DGKI: variants seen among roughly 807,000 people sequenced by gnomAD.
DGKI encodes the protein diacylglycerol kinase iota.
DGKI carries 55 observed loss-of-function variants against 147.5 expected under a neutral mutation model. The observed-to-expected ratio is 0.37, with a 90% CI of 0.30 to 0.47. The LOEUF (loss-of-function observed/expected upper bound fraction) is 0.47. Ranked by LOEUF, DGKI falls within the 20% of genes least tolerant of loss-of-function variation. DGKI has a pLI of 1.00. For synonymous variants in DGKI, 469 were observed against 477.1 expected, an observed-to-expected ratio of 0.98 and a Z score of 0.22; for missense variants, 1,007 against 1,323.8, an observed-to-expected ratio of 0.76 and a Z score of 3.71.
chr7:137,718,652 G>C (rs573270045), intron 1 of DGKI, among the ~76,000 whole-genome samples: 1 of 152,268 alleles, frequency 6.6e-6, no homozygotes, highest in Non-Finnish European at 1.5e-5. Context: ...CTGAAATGTG[G>C]ACAACATAAG....
chr7:137,435,702 T>C (rs1731910), intron 28 of DGKI, among the ~76,000 whole-genome samples: 73,797 of 152,066 alleles, frequency 0.49, 19,462 homozygotes, highest in East Asian at 0.74. Flanking sequence ...TGCAAAGTGA[T>C]GTACTGTGAC....
chr7:137,765,661 AATG>A (rs376297902), intron 1 of DGKI, among the ~76,000 whole-genome samples: 98 of 152,344 alleles, frequency 6.4e-4, no homozygotes, highest in African/African-American at 2.3e-3. Context: ...AGCCCTTTGT[AATG>A]ATAAGTCAAC....
At chr7:137,721,885 T>C in intron 1 of DGKI, 1 of 724,176 alleles carries the variant, frequency 1.4e-6, no homozygotes, top group Non-Finnish European at 2.2e-6. Context: ...CCCAGAATGC[T>C]AACTTCTGCC....
rs575224122 is a variant in DGKI at position 137,585,244 on chromosome 7, A to C, written c.1528T>G (p.Leu510Val). ...CCATCTTCAAGTTCTTCTGGAGGCA[A>C]GTCGGGGTTTCTTTCCACATGGAGG... ...WNLHVERNPDLPPEELEDGVC... is the reference protein window; with the variant it reads ...WNLHVERNPDVPPEELEDGVC... Residue 510 changes from leucine (L) to valine (V), a missense_variant, in exon 14 of 33, where the codon TTG (leucine) becomes GTG (valine). Around this residue, in one of 5 missense-constraint regions of DGKI, gnomAD observed 224 missense variants for 382.7 expected, o/e 0.59. Transcript: ENST00000614521. 6.2e-7 allele frequency: 1 copy of C among 1,614,116 alleles called. No homozygotes were observed. Among genetic ancestry groups the C allele is most frequent in the African/African-American group, 1.3e-5 (1 of 75,030 alleles).
chr7:137,396,852 T>C (rs1035509177), intron 31 of DGKI, among the ~76,000 whole-genome samples: 3 of 152,224 alleles, frequency 2.0e-5, no homozygotes, highest in African/African-American at 7.2e-5. Context: ...CCAGAGCTGA[T>C]GACTTTTTCA....
rs143121288 is a variant in DGKI, at chr7:137,663,119, T to C, written c.607-6579A>G. 2.5e-4 allele frequency among the ~76,000 whole-genome samples: 38 copies of C among 152,366 alleles called. No individual in the cohort carries two copies. In the East Asian group the frequency reaches 5.6e-3, roughly 22 times the overall value. On this transcript the variant is annotated intron_variant, in intron 3 of 32. Coordinates refer to ENST00000614521, the MANE Select transcript of DGKI (RefSeq NM_001321708.2). ...TGTTACTGCTGACTTTTCCAGAATA[T>C]ATTTATGGAAATTCAGTCCACCAAT...
intron 6 of DGKI, among the ~76,000 whole-genome samples, chr7:137,627,483 C>A (rs769247746): frequency 1.3e-5 from 2 of 152,184 alleles, no homozygotes; most frequent in East Asian, 3.9e-4. Flanking sequence ...ACAAACTTCA[C>A]GCTATCCAGA....
chr7:137,438,247 G>C (rs1326322741), intron 28 of DGKI, among the ~76,000 whole-genome samples: 1 of 152,020 alleles, frequency 6.6e-6, no homozygotes, highest in East Asian at 1.9e-4. Flanking sequence ...AACCAACCAG[G>C]TGGGGAAAAG....
At chr7:137,593,019 A>G (rs1327077724) in intron 12 of DGKI, among the ~76,000 whole-genome samples, 1 of 152,062 alleles carries the variant, frequency 6.6e-6, no homozygotes. Context: ...AAAGGAAAAT[A>G]ATACTTCCTT....
Position 137,619,601 on chromosome 7 carries a change from T to C in DGKI, c.993+223A>G, listed in dbSNP as rs141569308. Among the ~76,000 whole-genome samples the C allele has an allele frequency of 8.0e-3, 1,211 of 152,268 alleles. 23 individuals carry two copies. The highest frequency in any genetic ancestry group is 0.028 in the African/African-American group (1,144 of 41,542). ...GAATGAGGAGGCAACATTCCTGCTCTAGAACTTTGAATTCATTAGGATGGG... is the reference window on the plus strand; with the variant it reads ...GAATGAGGAGGCAACATTCCTGCTCCAGAACTTTGAATTCATTAGGATGGG... On this transcript the variant is annotated intron_variant, in intron 8 of 32. Transcript: ENST00000614521.
chr7:137,428,738 A>G (rs1490386981), intron 28 of DGKI, among the ~76,000 whole-genome samples: 2 of 152,160 alleles, frequency 1.3e-5, no homozygotes, highest in Non-Finnish European at 2.9e-5. Context: ...AAAAATCACA[A>G]GCATTCTTAT....
intron 23 of DGKI, among the ~76,000 whole-genome samples, chr7:137,473,556 A>C (rs1012603785): frequency 1.3e-5 from 2 of 152,178 alleles, no homozygotes; most frequent in East Asian, 3.9e-4. Context: ...AGAATTCAAC[A>C]AAATAAGAAG....
At chr7:137,432,329 T>C (rs1429509163) in intron 28 of DGKI, among the ~76,000 whole-genome samples, 2 of 152,186 alleles carry the variant, frequency 1.3e-5, no homozygotes, top group African/African-American at 4.8e-5. Flanking sequence ...GTATTTCAAG[T>C]AATCCTAGAG....
At chr7:137,667,940 C>T (rs1422332653) in intron 3 of DGKI, among the ~76,000 whole-genome samples, 1 of 152,178 alleles carries the variant, frequency 6.6e-6, no homozygotes, top group Non-Finnish European at 1.5e-5. Context: ...ACACATTACC[C>T]ACACTGTAAA....
chr7:137,535,910 T>TA lies in DGKI; in HGVS notation c.2148-13945dup, dbSNP rs1356008942. Among the ~76,000 whole-genome samples, 7 of 152,260 alleles carry TA rather than the reference T, an allele frequency of 4.6e-5. No homozygotes were observed. The East Asian group carries it at 1.4e-3, about 29-fold the overall frequency. On this transcript the variant is annotated intron_variant, in intron 20 of 32. Transcript: ENST00000614521. ...GTTTCTCAGTTCAAATGCCACTCCTTACGATTCTAAAAGACTTCAAATTAC... is the reference window on the plus strand; with the variant it reads ...GTTTCTCAGTTCAAATGCCACTCCTTAACGATTCTAAAAGACTTCAAATTAC...
At chr7:137,687,499 T>C (rs1459313165) in intron 2 of DGKI, among the ~76,000 whole-genome samples, 1 of 152,186 alleles carries the variant, frequency 6.6e-6, no homozygotes, top group African/African-American at 2.4e-5. Context: ...AAGAAATCCC[T>C]GGCTGGCTCC....
intron 1 of DGKI, among the ~76,000 whole-genome samples, chr7:137,704,896 T>C (rs944311425): frequency 2.0e-5 from 3 of 152,168 alleles, no homozygotes; most frequent in Non-Finnish European, 2.9e-5. Context: ...ATAAAAACAG[T>C]AACTGTCAAC....
Position 137,775,335 on chromosome 7 carries a change from C to T in DGKI, c.401+71127G>A, listed in dbSNP as rs532081536. ...AAAATTCGATAGGCAGGCACTCATTCCAGGCAAGGAAATACTGACTTCTCT... is the reference window on the plus strand; with the variant it reads ...AAAATTCGATAGGCAGGCACTCATTTCAGGCAAGGAAATACTGACTTCTCT... On this transcript the variant is annotated intron_variant, in intron 1 of 32. Coordinates refer to ENST00000614521, the MANE Select transcript of DGKI (RefSeq NM_001321708.2). Among the ~76,000 whole-genome samples the T allele has an allele frequency of 4.6e-5, 7 of 152,294 alleles. No individual in the cohort carries two copies. The East Asian group carries it at 7.7e-4, about 17-fold the overall frequency.
At chr7:137,475,708 G>C (rs916825586) in intron 23 of DGKI, among the ~76,000 whole-genome samples, 5 of 152,220 alleles carry the variant, frequency 3.3e-5, no homozygotes, top group African/African-American at 1.2e-4. Context: ...CTAGGAACCA[G>C]TCTAGGTGCT....
Sources: allele counts gnomAD v4.1 joint callset (sites outside exome capture counted in the v4.1 genomes callset), GRCh38; gene constraint gnomAD v4.1.1; regional missense constraint gnomAD v4.1.1; transcripts MANE v1.5; gene names NCBI Gene and HGNC (gene_info 2026-07-23, HGNC 2026-07-21).